The following TACR1 variants were observed in gnomAD, a reference collection of about 807,000 sequenced individuals.
TACR1 encodes the protein tachykinin receptor 1, also known as substance-P receptor.
Under a neutral mutation model 35.8 loss-of-function variants are expected in TACR1, and 25 were observed. The ratio of observed to expected loss-of-function variants is 0.70; its 90% CI spans 0.51 to 0.98. The LOEUF (loss-of-function observed/expected upper bound fraction) is 0.98, where lower values mean the gene tolerates loss of function less well. Ranked by LOEUF, TACR1 falls within the 50% of genes least tolerant of loss-of-function variation. TACR1 has a pLI of 0.00. For missense variants in TACR1, 478 were observed against 522.9 expected, an observed-to-expected ratio of 0.91 and a Z score of 0.84; for synonymous variants, 195 against 206.7, an observed-to-expected ratio of 0.94 and a Z score of 0.48.
At chr2:75,116,502 T>G (rs1170605794) in intron 2 of TACR1, among the ~76,000 whole-genome samples, 1 of 152,196 alleles carries the variant, frequency 6.6e-6, no homozygotes, top group Non-Finnish European at 1.5e-5. Flanking sequence ...GGGAACATTA[T>G]GTTTGATGTC....
At chr2:75,123,421 A>T (rs1364142783) in intron 1 of TACR1, among the ~76,000 whole-genome samples, 1 of 152,150 alleles carries the variant, frequency 6.6e-6, no homozygotes, top group Non-Finnish European at 1.5e-5. Context: ...TCAGAATCTA[A>T]TGTGACTGGG....
At chr2:75,096,118 A>G (rs1455280267) in intron 2 of TACR1, among the ~76,000 whole-genome samples, 2 of 152,204 alleles carry the variant, frequency 1.3e-5, no homozygotes, top group African/African-American at 4.8e-5. Context: ...TCTGTGAAGC[A>G]ATCAGATTCT....
At chr2:75,191,858 C>T (rs1182949569) in intron 1 of TACR1, among the ~76,000 whole-genome samples, 1 of 152,064 alleles carries the variant, frequency 6.6e-6, no homozygotes, top group Non-Finnish European at 1.5e-5. Context: ...AGTACCTACT[C>T]TGTGCCAGGC....
At chr2:75,100,841 A>G (rs960735412) in intron 2 of TACR1, among the ~76,000 whole-genome samples, 1 of 152,228 alleles carries the variant, frequency 6.6e-6, no homozygotes, top group Non-Finnish European at 1.5e-5. Context: ...GGTTCAGAAG[A>G]ATGCAACCTT....
At chr2:75,111,550 G>A (rs1673750894) in intron 2 of TACR1, among the ~76,000 whole-genome samples, 1 of 151,924 alleles carries the variant, frequency 6.6e-6, no homozygotes. Context: ...CAAAACATTA[G>A]ACACAATGCA....
chr2:75,134,625 A>G (rs1020059006), intron 1 of TACR1, among the ~76,000 whole-genome samples: 1 of 152,228 alleles, frequency 6.6e-6, no homozygotes, highest in Non-Finnish European at 1.5e-5. Context: ...TGTGTGCAAC[A>G]TACTTTCTAG....
chr2:75,117,409 G>A (rs1040245886), intron 2 of TACR1, among the ~76,000 whole-genome samples: 1 of 152,086 alleles, frequency 6.6e-6, no homozygotes, highest in African/African-American at 2.4e-5. Flanking sequence ...CAATTAAATT[G>A]GGTCTAAGCA....
chr2:75,091,201 CAAAAAA>C (rs1184236584), intron 2 of TACR1, among the ~76,000 whole-genome samples: 1 of 63,414 alleles, frequency 1.6e-5, no homozygotes. Flanking sequence ...CTCGTAGGTG[CAAAAAA>C]AAAAAAAAAA....
At chr2:75,176,328 T>A (rs1675419081) in intron 1 of TACR1, among the ~76,000 whole-genome samples, 1 of 151,794 alleles carries the variant, frequency 6.6e-6, no homozygotes, top group South Asian at 2.1e-4. Flanking sequence ...ATTATACATT[T>A]TTTTTTTTTT....
At chr2:75,092,484 T>C (rs1481606141) in intron 2 of TACR1, among the ~76,000 whole-genome samples, 7 of 152,100 alleles carry the variant, frequency 4.6e-5, no homozygotes, top group Admixed American at 4.6e-4. Flanking sequence ...AAACTTTACC[T>C]GGTAACTTAG....
intron 2 of TACR1, among the ~76,000 whole-genome samples, chr2:75,072,591 C>A (rs1217509775): frequency 6.6e-6 from 1 of 152,216 alleles, no homozygotes; most frequent in Non-Finnish European, 1.5e-5. Flanking sequence ...AGATCACAAT[C>A]AGATATGGCA....
intron 2 of TACR1, among the ~76,000 whole-genome samples, chr2:75,078,973 G>A (rs1185797331): frequency 6.6e-6 from 1 of 152,098 alleles, no homozygotes; most frequent in African/African-American, 2.4e-5. Context: ...TTCAGGTAAA[G>A]TAAACATACA....
At chr2:75,110,061 G>A (rs1228564547) in intron 2 of TACR1, among the ~76,000 whole-genome samples, 1 of 152,026 alleles carries the variant, frequency 6.6e-6, no homozygotes, top group Non-Finnish European at 1.5e-5. Flanking sequence ...TGCGGCTTTT[G>A]AAAATACAAT....
intron 1 of TACR1, among the ~76,000 whole-genome samples, chr2:75,185,627 C>A (rs1186185938): frequency 1.3e-5 from 2 of 152,212 alleles, no homozygotes; most frequent in East Asian, 3.9e-4. Context: ...GCAAACATAA[C>A]TAACATTTTA....
At chr2:75,136,257 CAGGAGTAAG>C (rs1388267438) in intron 1 of TACR1, among the ~76,000 whole-genome samples, 1 of 152,168 alleles carries the variant, frequency 6.6e-6, no homozygotes, top group Non-Finnish European at 1.5e-5. Context: ...CCTTGGGAGA[CAGGAGTAAG>C]AAGTCCAAGG....
intron 2 of TACR1, among the ~76,000 whole-genome samples, chr2:75,077,755 C>T (rs1341644728): frequency 6.6e-6 from 1 of 152,166 alleles, no homozygotes; most frequent in Non-Finnish European, 1.5e-5. Context: ...AATTTAGGGG[C>T]ATCCTTGGGA....
At chr2:75,153,085 T>A (rs1029123827) in intron 1 of TACR1, among the ~76,000 whole-genome samples, 1 of 152,132 alleles carries the variant, frequency 6.6e-6, no homozygotes, top group Non-Finnish European at 1.5e-5. Flanking sequence ...TATTTTTTAG[T>A]AGAGATGGGG....
intron 1 of TACR1, among the ~76,000 whole-genome samples, chr2:75,144,213 C>A (rs1030101607): frequency 6.6e-6 from 1 of 152,152 alleles, no homozygotes; most frequent in Non-Finnish European, 1.5e-5. Flanking sequence ...ATCGATGGAG[C>A]TCCCTGGACT....
At chr2:75,157,641 A>G (rs906852056) in intron 1 of TACR1, among the ~76,000 whole-genome samples, 1 of 152,240 alleles carries the variant, frequency 6.6e-6, no homozygotes, top group Admixed American at 6.5e-5. Context: ...AGTCAGGAAG[A>G]GGAGTGCCCT....
Sources: gnomAD v4.1 joint callset for allele counts (sites outside exome capture counted in the v4.1 genomes callset) on GRCh38, gnomAD v4.1.1 for gene constraint, MANE v1.5 for transcripts, NCBI Gene and HGNC (gene_info 2026-07-23, HGNC 2026-07-21) for gene names.